CRIP2: variants seen among roughly 807,000 people sequenced by gnomAD.
CRIP2 encodes cysteine-rich protein 2.
A neutral mutation model predicts 31.3 loss-of-function variants in CRIP2; 31 were observed. The ratio of observed to expected loss-of-function variants is 0.99; its 90% CI spans 0.74 to 1.34. CRIP2 has a LOEUF of 1.34. Among genes scored for constraint, CRIP2 ranks in the 40% most tolerant of loss-of-function variants. The pLI, the probability that CRIP2 is intolerant of heterozygous loss-of-function variation, is 0.00. For synonymous variants in CRIP2, 177 were observed against 127.2 expected, an observed-to-expected ratio of 1.39 and a Z score of -2.63; for missense variants, 389 against 301.6, an observed-to-expected ratio of 1.29 and a Z score of -2.15.
chr14:105,474,849 C>G lies in CRIP2; in HGVS notation c.-14C>G. Reference sequence around the variant, plus strand: ...GAACGGGCGGAGGGCGCGGGCCGACCGGGCGCACCGACCATGGCCTCCAAA... The same window carrying G: ...GAACGGGCGGAGGGCGCGGGCCGACGGGGCGCACCGACCATGGCCTCCAAA... On this transcript the variant is annotated 5_prime_UTR_variant, in exon 1 of 8. Coordinates refer to ENST00000329146, the MANE Select transcript of CRIP2 (RefSeq NM_001312.4). This position sits in a 1 kb window ranked among gnomAD's most constrained non-coding sequence, Gnocchi z 5.1. The G allele has an allele frequency of 6.7e-7, 1 of 1,482,122 alleles. No individual in the cohort carries two copies. The highest frequency in any genetic ancestry group is 9.0e-7 in the Non-Finnish European group (1 of 1,111,634). 91.8% of individuals were successfully genotyped at this position (1,482,122 alleles called of 1,614,324 possible). A position where few individuals can be genotyped will look rare whatever the true frequency, so the allele number is the denominator to read the frequency against.
Position 105,478,272 on chromosome 14 carries a change from A to T in CRIP2, c.50A>T (p.Lys17Met). Residue 17 changes from lysine (K) to methionine (M), a missense_variant, in exon 2 of 8, where the codon AAG (lysine) becomes ATG (methionine). Lys to Met is a moderately conservative substitution (Grantham distance 95). Coordinates refer to ENST00000329146, the MANE Select transcript of CRIP2 (RefSeq NM_001312.4). This position sits in a 1 kb window ranked among gnomAD's most constrained non-coding sequence, Gnocchi z 4.9. ...TGCCGCCCCTCCCGCTCAGCCGAGA[A>T]GGTGAGCTCCCTGGGGAAGGACTGG... ...KCDKTVYFAE[K>M]VSSLGKDWHK... 6.4e-7 allele frequency: 1 copy of T among 1,556,156 alleles called. No homozygotes were observed. The highest frequency in any genetic ancestry group is 8.7e-7 in the Non-Finnish European group (1 of 1,153,404).
At chr14:105,473,590 T>C (rs1461747002), upstream of CRIP2, 2 of 1,452,878 alleles carry the variant, frequency 1.4e-6, no homozygotes, top group African/African-American at 2.8e-5. Context: ...CCATAGGGCC[T>C]GATCACTGGG....
intron 1 of CRIP2, chr14:105,475,814 C>T (rs1351632633): frequency 3.0e-6 from 3 of 985,048 alleles, no homozygotes; most frequent in South Asian, 4.7e-5. Flanking sequence ...TGGTAAGGTC[C>T]CTGCCCACCT....
upstream of CRIP2, chr14:105,473,173 G>GC (rs1555435101): frequency 2.0e-6 from 3 of 1,506,506 alleles, no homozygotes; most frequent in African/African-American, 2.8e-5. Context: ...CCTGGGCAAG[G>GC]CCCTGCTGTG....
At chr14:105,475,891 G>A (rs1177438287) in intron 1 of CRIP2, 25 of 985,390 alleles carry the variant, frequency 2.5e-5, no homozygotes, top group African/African-American at 7.0e-5. Context: ...GGACCAACAG[G>A]GCGCCTGCCC....
At position 105,479,595 on chromosome 14, in the gene CRIP2, C is replaced by T; in HGVS notation, c.569C>T (p.Thr190Ile). ...CGGCCTCCCTCCACAGGAGTGAACACCGGTGCGGTGGGCAGCTACATCTAT... is the reference window on the plus strand; with the variant it reads ...CGGCCTCCCTCCACAGGAGTGAACATCGGTGCGGTGGGCAGCTACATCTAT... ...GILFGPKGVN[T>I]GAVGSYIYDR... Residue 190 changes from threonine to isoleucine, a missense_variant, in exon 8 of 8, where the codon ACC becomes ATC. By Grantham distance (89) the Thr-to-Ile change is moderately conservative. Coordinates refer to ENST00000329146, the MANE Select transcript of CRIP2 (RefSeq NM_001312.4). The T allele has an allele frequency of 1.2e-6, 2 of 1,612,840 alleles. No individual in the cohort carries two copies. Among genetic ancestry groups the T allele is most frequent in the Non-Finnish European group, 1.7e-6 (2 of 1,179,950 alleles).
Position 105,478,246 on chromosome 14 carries a change from C to T in CRIP2, c.44-20C>T, listed in dbSNP as rs782086511. ...GGGGCGCGCCCCGGCCCTGACCCCC[C>T]TGCCGCCCCTCCCGCTCAGCCGAGA... On this transcript the variant is annotated intron_variant, in intron 1 of 7. Coordinates refer to ENST00000329146, the MANE Select transcript of CRIP2 (RefSeq NM_001312.4). This position sits in a 1 kb window ranked among gnomAD's most constrained non-coding sequence, Gnocchi z 4.9. 81 of 1,524,428 alleles carry T rather than the reference C, an allele frequency of 5.3e-5. No homozygotes were observed. Among genetic ancestry groups the T allele is most frequent in the South Asian group, 4.6e-4 (38 of 82,646 alleles). The allele number at this position is 1,524,428 out of a possible 1,614,324, so 94.4% of individuals were successfully genotyped here. A position where few individuals can be genotyped will look rare whatever the true frequency, so the allele number is the denominator to read the frequency against.
At chr14:105,476,130 T>G (rs902178431) in intron 1 of CRIP2, 151 of 985,454 alleles carry the variant, frequency 1.5e-4, no homozygotes, top group Admixed American at 8.0e-4. Context: ...GAGGGCTGTC[T>G]CTGTAAGGCT....
At position 105,478,501 on chromosome 14, in the gene CRIP2, C is replaced by T. The variant is rs2084004470; in HGVS notation, c.190C>T (p.Pro64Ser). 6.2e-7 allele frequency: 1 copy of T among 1,609,112 alleles called. No homozygotes were observed. The highest frequency in any genetic ancestry group is 1.1e-5 in the South Asian group (1 of 90,814). The change falls in exon 3 of 8, where the codon CCC (proline) becomes TCC (serine). Residue 64 changes from proline to serine, a missense_variant. By Grantham distance (74) the Pro-to-Ser change is moderately conservative. Coordinates refer to ENST00000329146, the MANE Select transcript of CRIP2 (RefSeq NM_001312.4). The surrounding 1 kb of genome is among the most constrained non-coding windows in gnomAD (Gnocchi z 4.9). ...GCCGTGCTACGCCACCCTGTTCGGACCCAAAGGTGAGCTCCGGCTGCCCTC... is the reference window on the plus strand; with the variant it reads ...GCCGTGCTACGCCACCCTGTTCGGATCCAAAGGTGAGCTCCGGCTGCCCTC... ...HKPCYATLFG[P>S]KGVNIGGAGS...
chr14:105,473,314 C>T (rs1247189893), upstream of CRIP2: 1 of 638,428 alleles, frequency 1.6e-6, no homozygotes, highest in Non-Finnish European at 2.2e-6. Context: ...GCTGGTCAGG[C>T]TGGTCAGTCG....
upstream of CRIP2, chr14:105,473,531 C>G: frequency 6.5e-7 from 1 of 1,530,060 alleles, no homozygotes. Flanking sequence ...CCGTGTCCAG[C>G]CCACAGCCTC....
rs782178408 is a variant in CRIP2, at chr14:105,478,413, C to T, written c.139-37C>T. 3.1e-6 allele frequency: 5 copies of T among 1,590,256 alleles called. No individual in the cohort carries two copies. In the African/African-American group the frequency reaches 4.0e-5, roughly 13 times the overall value. On this transcript the variant is annotated intron_variant, in intron 2 of 7. Coordinates refer to ENST00000329146, the MANE Select transcript of CRIP2 (RefSeq NM_001312.4). This position sits in a 1 kb window ranked among gnomAD's most constrained non-coding sequence, Gnocchi z 4.9. ...GGGCGGGGGTCGCGACTCCCGCCAC[C>T]CTCAGGCAGGGTCCTGACCCGCGCC...
intron 1 of CRIP2, chr14:105,475,200 G>A (rs973955692): frequency 9.5e-6 from 3 of 314,908 alleles, no homozygotes; most frequent in Non-Finnish European, 1.7e-5. Flanking sequence ...TTGGGGGAGC[G>A]CTCGGGGATC....
chr14:105,477,225 T>A, intron 1 of CRIP2: 1 of 974,898 alleles, frequency 1.0e-6, no homozygotes, highest in Non-Finnish European at 1.2e-6. Context: ...GGGAGGCCCC[T>A]GCTTCCATCC....
At chr14:105,474,459 A>C (rs1186459490), upstream of CRIP2, 6 of 150,304 alleles carry the variant, frequency 4.0e-5, no homozygotes, top group African/African-American at 1.5e-4. The surrounding 1 kb of genome is among the most constrained non-coding windows in gnomAD (Gnocchi z 5.1). Flanking sequence ...CCCTAGGCCC[A>C]AGTCACTAGG....
At chr14:105,475,723 G>A in intron 1 of CRIP2, 1 of 718,474 alleles carries the variant, frequency 1.4e-6, no homozygotes, top group Non-Finnish European at 1.7e-6. Flanking sequence ...CCCCCGTCTG[G>A]GCTTACTCAC....
intron 1 of CRIP2, chr14:105,476,011 A>C: frequency 1.0e-6 from 1 of 985,482 alleles, no homozygotes; most frequent in South Asian, 4.7e-5. Flanking sequence ...TGCCCGTCCC[A>C]GAGGGGAGGG....
rs374436245 is a variant in CRIP2, at chr14:105,477,621, GTGTT to G, written c.44-642_44-639del. The stretch of plus-strand genomic sequence containing the variant: ...AGGCAGGTGTGTGAGTGTAAGAGAA[GTGTT>G]TGAGGGAATGACAGGTGGGGGAGAT... On this transcript the variant is annotated intron_variant, in intron 1 of 7. Coordinates refer to ENST00000329146, the MANE Select transcript of CRIP2 (RefSeq NM_001312.4). The G allele has an allele frequency of 1.4e-4, 134 of 952,018 alleles. 1 individual carries two copies. The East Asian group carries it at 3.9e-3, about 28-fold the overall frequency. 59.0% of individuals were successfully genotyped at this position (952,018 alleles called of 1,614,324 possible). A position where few individuals can be genotyped will look rare whatever the true frequency, so the allele number is the denominator to read the frequency against.
intron 1 of CRIP2, chr14:105,476,053 G>T (rs1164973790): frequency 6.1e-6 from 6 of 985,518 alleles, no homozygotes; most frequent in Non-Finnish European, 4.8e-6. Context: ...TTCTGGCGTG[G>T]CTGGGAGCCG....
Sources: gnomAD v4.1 joint callset for allele counts on GRCh38, gnomAD v4.1.1 for gene constraint, Gnocchi (gnomAD v3.1) non-coding constraint, MANE v1.5 for transcripts, NCBI Gene and HGNC (gene_info 2026-07-23, HGNC 2026-07-21) for gene names.